CCDC73: variants seen among roughly 807,000 people sequenced by gnomAD.
CCDC73 encodes coiled-coil domain-containing protein 73.
A neutral mutation model predicts 116.5 loss-of-function variants in CCDC73; 95 were observed. The ratio of observed to expected loss-of-function variants is 0.82; its 90% CI spans 0.69 to 0.97. The LOEUF (loss-of-function observed/expected upper bound fraction) is 0.97. CCDC73 is among the 50% of genes least tolerant of loss of function. The pLI, the probability that CCDC73 is intolerant of heterozygous loss-of-function variation, is 0.00. For synonymous variants in CCDC73, 398 were observed against 401.3 expected (o/e 0.99, Z 0.10); for missense variants, 1,066 against 1,206.8 (o/e 0.88, Z 1.73).
chr11:32,724,009 T>C (rs1347283099), intron 2 of CCDC73, among the ~76,000 whole-genome samples: 1 of 152,130 alleles, frequency 6.6e-6, no homozygotes, highest in Non-Finnish European at 1.5e-5. Flanking sequence ...TATATTCTAA[T>C]GCTATTTTTC....
intron 1 of CCDC73, among the ~76,000 whole-genome samples, chr11:32,768,946 G>A (rs1850469264): frequency 6.6e-6 from 1 of 152,108 alleles, no homozygotes; most frequent in Admixed American, 6.6e-5. Flanking sequence ...TATCCAAATG[G>A]CCAATACACC....
chr11:32,796,744 T>C (rs1850730756), upstream of CCDC73, among the ~76,000 whole-genome samples: 2 of 152,264 alleles, frequency 1.3e-5, no homozygotes, highest in South Asian at 2.1e-4. Context: ...CTGTGGTGGC[T>C]CATGCCTGTA....
At chr11:32,760,893 C>T (rs901105945) in intron 1 of CCDC73, among the ~76,000 whole-genome samples, 11 of 152,050 alleles carry the variant, frequency 7.2e-5, no homozygotes, top group African/African-American at 2.4e-4. Flanking sequence ...AACAAGAGTA[C>T]AATATTAAAA....
Position 32,700,799 on chromosome 11 carries a change from C to T in CCDC73, c.307G>A (p.Glu103Lys). The T allele has an allele frequency of 7.0e-7, 1 of 1,427,056 alleles. No individual in the cohort carries two copies. The highest frequency in any genetic ancestry group is 9.5e-7 in the Non-Finnish European group (1 of 1,056,584). 88.4% of individuals were successfully genotyped at this position (1,427,056 alleles called of 1,614,324 possible). A position where few individuals can be genotyped will look rare whatever the true frequency, so the allele number is the denominator to read the frequency against. Residue 103 changes from glutamate to lysine, a missense_variant, in exon 5 of 18, where the codon GAA becomes AAA. Coordinates refer to ENST00000335185, the MANE Select transcript of CCDC73 (RefSeq NM_001008391.4). The stretch of plus-strand genomic sequence containing the variant: ...AAAAAAATTATAAATACCTTTTCTT[C>T]TTCCAGGGCACACATCTTCATCTGC... ...QLQMKMCALEEEKGKYQLATE... is the reference protein window; with the variant it reads ...QLQMKMCALEKEKGKYQLATE...
chr11:32,695,125 T>C (rs577589341), intron 6 of CCDC73, among the ~76,000 whole-genome samples: 1 of 152,188 alleles, frequency 6.6e-6, no homozygotes, highest in South Asian at 2.1e-4. Flanking sequence ...TCCCAGCACT[T>C]TGGGAAGCCA....
chr11:32,616,034 C>A lies in CCDC73; in HGVS notation c.1281G>T (p.Arg427Ser). 1 of 1,602,284 alleles carries A rather than the reference C, an allele frequency of 6.2e-7. No individual in the cohort carries two copies. Among genetic ancestry groups the A allele is most frequent in the East Asian group, 2.3e-5 (1 of 44,364 alleles). ...IQKYNTEQEI[R>S]EENMENFCSD... ...AACAAAAATTCTCCATATTTTCTTCCCTTATTTCTTGCTCAGTATTATATT... is the reference window on the plus strand; with the variant it reads ...AACAAAAATTCTCCATATTTTCTTCACTTATTTCTTGCTCAGTATTATATT... The change falls in exon 15 of 18, where the codon AGG (arginine) becomes AGT (serine). Residue 427 changes from arginine (R) to serine (S), a missense_variant. Arg to Ser is a moderately radical substitution (Grantham distance 110). Coordinates refer to ENST00000335185, the MANE Select transcript of CCDC73 (RefSeq NM_001008391.4).
intron 1 of CCDC73, among the ~76,000 whole-genome samples, chr11:32,767,191 G>C (rs1407989488): frequency 2.6e-5 from 4 of 152,130 alleles, no homozygotes; most frequent in Non-Finnish European, 4.4e-5. Context: ...TCTGATCTTT[G>C]ACAAACCTGA....
rs1476555244 is a variant in CCDC73, at chr11:32,733,946, AC to A, written c.136-15800del. 3.3e-5 allele frequency among the ~76,000 whole-genome samples: 5 copies of A among 152,232 alleles called. No homozygotes were observed. In the East Asian group the frequency reaches 7.7e-4, roughly 23 times the overall value. ...GAGCAGAACTGAAGTAGATAGAGAC[AC>A]AAAAAAACTCTTCAAAAAAATCAAT... is the stretch of plus-strand genomic sequence containing the variant. On this transcript the variant is annotated intron_variant, in intron 2 of 17. Transcript: ENST00000335185.
chr11:32,814,392 C>A, the CCDC73 span, among the ~76,000 whole-genome samples: 1 of 152,142 alleles, frequency 6.6e-6, no homozygotes, highest in Non-Finnish European at 1.5e-5. Context: ...CTGGCAGTTT[C>A]AATCACCCTC....
intron 3 of CCDC73, among the ~76,000 whole-genome samples, chr11:32,705,204 A>G (rs1849845526): frequency 6.6e-6 from 1 of 152,214 alleles, no homozygotes; most frequent in Admixed American, 6.5e-5. Context: ...GCTGTAACAC[A>G]AACAGGCTAA....
At chr11:32,764,832 G>A (rs758400403) in intron 1 of CCDC73, among the ~76,000 whole-genome samples, 8 of 152,020 alleles carry the variant, frequency 5.3e-5, no homozygotes, top group South Asian at 2.1e-4. Flanking sequence ...TTGGATAAAG[G>A]GTCAAGACCC....
At chr11:32,739,427 A>T (rs1007151115) in intron 2 of CCDC73, among the ~76,000 whole-genome samples, 3 of 152,002 alleles carry the variant, frequency 2.0e-5, no homozygotes, top group Non-Finnish European at 4.4e-5. Flanking sequence ...TGATTAAGTT[A>T]TTCCTTAGAT....
At chr11:32,802,264 G>A in the CCDC73 span, among the ~76,000 whole-genome samples, 1 of 152,018 alleles carries the variant, frequency 6.6e-6, no homozygotes, top group Non-Finnish European at 1.5e-5. Flanking sequence ...TTAATTCAAA[G>A]TTTTATTTAT....
chr11:32,683,766 C>T (rs1856169556), intron 6 of CCDC73, among the ~76,000 whole-genome samples, 192 bp from the exon 7 acceptor site: 1 of 152,102 alleles, frequency 6.6e-6, no homozygotes, highest in Admixed American at 6.5e-5. Context: ...TAGCAGTGAA[C>T]AAAACAAAGT....
the CCDC73 span, among the ~76,000 whole-genome samples, chr11:32,812,487 G>A: frequency 2.0e-5 from 3 of 152,096 alleles, no homozygotes; most frequent in Admixed American, 1.3e-4. Flanking sequence ...CCAACATGGA[G>A]AAACCCTGTC....
At chr11:32,815,925 G>C in the CCDC73 span, among the ~76,000 whole-genome samples, 1 of 152,172 alleles carries the variant, frequency 6.6e-6, no homozygotes, top group Non-Finnish European at 1.5e-5. Flanking sequence ...CTTCTGGAGT[G>C]GGGTAAGGAA....
chr11:32,664,417 ATGTGTCCAGGAATTTAT>A (rs1023671295), intron 9 of CCDC73, among the ~76,000 whole-genome samples: 1 of 152,136 alleles, frequency 6.6e-6, no homozygotes, highest in African/African-American at 2.4e-5. Context: ...GGGAGAGTGT[ATGTGTCCAGGAATTTAT>A]TCATTTCTTC....
At chr11:32,787,864 A>G (rs1305369642) in intron 1 of CCDC73, among the ~76,000 whole-genome samples, 2 of 152,200 alleles carry the variant, frequency 1.3e-5, no homozygotes, top group Non-Finnish European at 2.9e-5. Flanking sequence ...CATTGAGAAC[A>G]TCCTTAACTC....
At chr11:32,643,678 C>T (rs1855752544) in intron 12 of CCDC73, among the ~76,000 whole-genome samples, 1 of 152,088 alleles carries the variant, frequency 6.6e-6, no homozygotes, top group African/African-American at 2.4e-5. Flanking sequence ...AAATGGTACA[C>T]ATGTAACTAT....
Sources: gnomAD v4.1 joint callset for allele counts (sites outside exome capture counted in the v4.1 genomes callset) on GRCh38, gnomAD v4.1.1 for gene constraint, MANE v1.5 for transcripts, NCBI Gene and HGNC (gene_info 2026-07-23, HGNC 2026-07-21) for gene names.